The following HEATR5A variants were observed in gnomAD, a reference collection of about 807,000 sequenced individuals.
The protein encoded by HEATR5A is HEAT repeat containing 5A.
In HEATR5A, 178 loss-of-function variants were observed where a neutral mutation model predicts 218.8. The observed-to-expected ratio is 0.81, with a 90% CI of 0.72 to 0.92. HEATR5A has a LOEUF of 0.92. Among genes scored for constraint, HEATR5A ranks in the 40% least tolerant of loss-of-function variants. The pLI is 0.00. For synonymous variants in HEATR5A, 864 were observed against 871.6 expected (o/e 0.99, Z 0.15); for missense variants, 2,420 against 2,418.9 (o/e 1.00, Z -0.01).
At position 31,398,738 on chromosome 14, in the gene HEATR5A, T is replaced by C; in HGVS notation, c.382A>G (p.Arg128Gly). 2 of 1,533,856 alleles carry C rather than the reference T, an allele frequency of 1.3e-6. No homozygotes were observed. Among genetic ancestry groups the C allele is most frequent in the Non-Finnish European group, 1.7e-6 (2 of 1,144,570 alleles). The part of the protein sequence containing the change: ...CLGSLYKKLG[R>G]ILGNTFTDTV... ...TCAGTAAAGGTGTTACCCAGTATTC[T>C]ACCCAACTTCTTGTACAAGGAACCC... Residue 128 changes from arginine (R) to glycine (G), a missense_variant, in exon 4 of 36, where the codon AGA (arginine) becomes GGA (glycine). By Grantham distance (125) the Arg-to-Gly change is moderately radical (BLOSUM62 -2). Transcript: ENST00000543095.
chr14:31,316,356 A>C (rs1469096651), intron 26 of HEATR5A, among the ~76,000 whole-genome samples: 6 of 152,256 alleles, frequency 3.9e-5, no homozygotes, highest in African/African-American at 7.2e-5. Flanking sequence ...TGAGTTCAGC[A>C]GAGCTCACTC....
At chr14:31,368,957 A>C (rs1901913992) in intron 13 of HEATR5A, among the ~76,000 whole-genome samples, 1 of 152,166 alleles carries the variant, frequency 6.6e-6, no homozygotes, top group Non-Finnish European at 1.5e-5. Context: ...TTAATAAAAA[A>C]CTAGAAGACA....
chr14:31,382,112 C>G (rs926982541), intron 10 of HEATR5A, among the ~76,000 whole-genome samples: 1 of 152,042 alleles, frequency 6.6e-6, no homozygotes, highest in Non-Finnish European at 1.5e-5. Flanking sequence ...ATAATTCTCT[C>G]GGAAAGAAAT....
At chr14:31,333,159 TA>T (rs888461976) in intron 22 of HEATR5A, among the ~76,000 whole-genome samples, 2 of 152,150 alleles carry the variant, frequency 1.3e-5, no homozygotes, top group African/African-American at 4.8e-5. Flanking sequence ...CTCCATAACA[TA>T]AAAATGCAAG....
chr14:31,359,279 A>AGG (rs1901532431), intron 14 of HEATR5A, among the ~76,000 whole-genome samples: 1 of 102,642 alleles, frequency 9.7e-6, no homozygotes, highest in African/African-American at 3.4e-5. Context: ...AACATCTCAA[A>AGG]GTGTAAGAGT....
chr14:31,320,565 G>C (rs1900062295), intron 25 of HEATR5A: 2 of 853,678 alleles, frequency 2.3e-6, no homozygotes, highest in East Asian at 5.2e-5. Flanking sequence ...GCAGACACAG[G>C]CCTGATTAGA....
In HEATR5A at chr14:31,301,866, G is replaced by A. The variant is rs956687223; in HGVS notation, c.5464+429C>T. Reference sequence around the variant, plus strand: ...AGAGTCTCGCTCTGTTGTCCAGGCTGGAGTGCAATGGCGTGATCTTGGCTC... The same window carrying A: ...AGAGTCTCGCTCTGTTGTCCAGGCTAGAGTGCAATGGCGTGATCTTGGCTC... On this transcript the variant is annotated intron_variant, in intron 33 of 35. Coordinates refer to ENST00000543095, the MANE Select transcript of HEATR5A (RefSeq NM_015473.4). 4.2e-5 allele frequency among the ~76,000 whole-genome samples: 6 copies of A among 143,936 alleles called. No individual in the cohort carries two copies. In the Admixed American group the frequency reaches 4.2e-4, roughly 10 times the overall value. 94.4% of individuals were successfully genotyped at this position (143,936 alleles called of 152,430 possible). A position where few individuals can be genotyped will look rare whatever the true frequency, so the allele number is the denominator to read the frequency against.
At chr14:31,402,711 T>C in intron 2 of HEATR5A, 139 bp downstream of exon 2, 1 of 759,568 alleles carries the variant, frequency 1.3e-6, no homozygotes, top group Non-Finnish European at 2.0e-6. Context: ...ACAAAAAATG[T>C]AATATACTTC....
intron 26 of HEATR5A, among the ~76,000 whole-genome samples, chr14:31,317,507 G>A (rs868185074): frequency 6.6e-6 from 1 of 152,008 alleles, no homozygotes; most frequent in Middle Eastern, 3.4e-3. Flanking sequence ...TGTTGGCCAG[G>A]CTGGTCTCTA....
rs767068422 is a variant in HEATR5A, at chr14:31,293,873, T to A, written c.5833+18A>T. 8.3e-6 allele frequency: 13 copies of A among 1,566,502 alleles called. No homozygotes were observed. The highest frequency in any genetic ancestry group is 1.0e-5 in the Non-Finnish European group (12 of 1,149,408). On this transcript the variant is annotated intron_variant, in intron 35 of 35. Transcript: ENST00000543095. ...GATTTTTGTTGAGACTGAGTATGAA[T>A]TTAGTGCTGACACTTACGATGGTGT...
At chr14:31,318,175 G>T in intron 26 of HEATR5A, 49 bp downstream of exon 26, 1 of 1,468,908 alleles carries the variant, frequency 6.8e-7, no homozygotes, top group Non-Finnish European at 9.5e-7. Flanking sequence ...ACTAACTGGA[G>T]GACTGCTTCC....
chr14:31,382,498 T>C (rs184111177), intron 10 of HEATR5A, among the ~76,000 whole-genome samples: 5 of 152,278 alleles, frequency 3.3e-5, no homozygotes, highest in Admixed American at 6.5e-5. Context: ...GGGCTTTCAC[T>C]GTCAAATAAT....
chr14:31,362,442 C>T lies in HEATR5A; in HGVS notation c.2071+1747G>A, dbSNP rs149268052. Among the ~76,000 whole-genome samples, 104 of 151,524 alleles carry T rather than the reference C, an allele frequency of 6.9e-4. No homozygotes were observed. In the East Asian group the frequency reaches 0.01, roughly 15 times the overall value. On this transcript the variant is annotated intron_variant, in intron 14 of 35. Coordinates refer to ENST00000543095, the MANE Select transcript of HEATR5A (RefSeq NM_015473.4). ...GTAGAAGACTTCAAGACTTTTTCCT[C>T]TAATTCAAGTTTTTTTAAGGGTAAG...
At chr14:31,376,245 G>A (rs1206657972) in intron 11 of HEATR5A, among the ~76,000 whole-genome samples, 1 of 152,222 alleles carries the variant, frequency 6.6e-6, no homozygotes, top group Non-Finnish European at 1.5e-5. Flanking sequence ...GCTGGGCACA[G>A]TGGGTCATGC....
rs2030262338 is a variant in HEATR5A, at chr14:31,387,221, A to C, written c.1088T>G (p.Phe363Cys). The C allele has an allele frequency of 1.2e-6, 2 of 1,613,846 alleles. No homozygotes were observed. Among genetic ancestry groups the C allele is most frequent in the Admixed American group, 3.3e-5 (2 of 59,996 alleles). The change falls in exon 8 of 36, where the codon TTT (phenylalanine) becomes TGT (cysteine). Residue 363 changes from phenylalanine to cysteine, a missense_variant. Transcript: ENST00000543095. ...ACCACCTATAGTAGTTCGAAGAATA[A>C]ATGAAACACAACGGCGACAGCAGAC... ...DAVCCRRCVS[F>C]ILRTTIGGLL...
intron 13 of HEATR5A, 84 bp downstream of exon 13, chr14:31,371,726 C>A: frequency 2.0e-6 from 1 of 501,810 alleles, no homozygotes; most frequent in Non-Finnish European, 3.4e-6. Context: ...CATTCACCAA[C>A]TACAGAAATT....
chr14:31,414,013 A>T (rs903743725), intron 1 of HEATR5A, among the ~76,000 whole-genome samples: 12 of 152,204 alleles, frequency 7.9e-5, no homozygotes, highest in African/African-American at 2.9e-4. Context: ...ATCAGCTTTC[A>T]GAGAGCCCTT....
chr14:31,384,698 T>C (rs1055217827), intron 9 of HEATR5A, among the ~76,000 whole-genome samples: 4 of 152,012 alleles, frequency 2.6e-5, no homozygotes, highest in African/African-American at 9.7e-5. Flanking sequence ...GGCTAATTTT[T>C]GTATTTTTAG....
intron 1 of HEATR5A, among the ~76,000 whole-genome samples, chr14:31,415,458 T>C (rs1198755482): frequency 1.3e-5 from 2 of 152,242 alleles, no homozygotes; most frequent in Admixed American, 1.3e-4. Context: ...CAGCAAAAGA[T>C]AGGCAGATTC....
Sources: gnomAD v4.1 joint callset for allele counts (sites outside exome capture counted in the v4.1 genomes callset) on GRCh38, gnomAD v4.1.1 for gene constraint, MANE v1.5 for transcripts, NCBI Gene and HGNC (gene_info 2026-07-23, HGNC 2026-07-21) for gene names.